Variants in CNDP1 observed in about 807,000 individuals in gnomAD.
CNDP1 encodes carnosine dipeptidase 1.
CNDP1 carries 44 observed loss-of-function variants against 58.1 expected under a neutral mutation model. The ratio of observed to expected loss-of-function variants is 0.76; its 90% CI spans 0.60 to 0.97. The LOEUF (loss-of-function observed/expected upper bound fraction) is 0.97, where lower values mean the gene tolerates loss of function less well. Among genes scored for constraint, CNDP1 ranks in the 50% least tolerant of loss-of-function variants. The probability of loss-of-function intolerance (pLI) is 0.00; values close to 1 mark genes in which losing one functional copy is unlikely to be tolerated. For synonymous variants in CNDP1, 254 were observed against 252.6 expected (o/e 1.01, Z -0.05); for missense variants, 616 against 655.1 (o/e 0.94, Z 0.65).
chr18:74,580,347 G>A, intron 10 of CNDP1, 76 bp downstream of exon 10: 1 of 1,454,258 alleles, frequency 6.9e-7, no homozygotes, highest in South Asian at 1.2e-5. Flanking sequence ...CGTGGGTAAA[G>A]CAGACACTTT....
intron 6 of CNDP1, 53 bp from the exon 7 acceptor site, chr18:74,571,133 A>G: frequency 8.1e-7 from 1 of 1,235,346 alleles, no homozygotes; most frequent in Non-Finnish European, 1.2e-6. Context: ...AAATGCTTAC[A>G]CTAAAGGAAC....
chr18:74,572,808 A>AAAAG lies in CNDP1; in HGVS notation c.841+1558_841+1561dup, dbSNP rs766981720. On this transcript the variant is annotated intron_variant, in intron 7 of 11. Transcript: ENST00000358821. ...CCTGTATCAAAAAAAAAAAAAAAAAAAAAGAAAGAAAGAAAGAAAGAAAAA... is the reference window on the plus strand; with the variant it reads ...CCTGTATCAAAAAAAAAAAAAAAAAAAAAGAAAGAAAGAAAGAAAGAAAGAAAAA... Among the ~76,000 whole-genome samples, 1,216 of 135,228 alleles carry AAAAG rather than the reference A, an allele frequency of 9.0e-3. 9 individuals are homozygous for AAAAG. Among genetic ancestry groups the AAAAG allele is most frequent in the South Asian group, 0.032 (126 of 3,880 alleles). 88.7% of individuals were successfully genotyped at this position (135,228 alleles called of 152,430 possible).
At position 74,562,107 on chromosome 18, in the gene CNDP1, C is replaced by CTG. The variant is rs762541533; in HGVS notation, c.530_531dup (p.Ser178Ter). The CTG allele has an allele frequency of 2.5e-6, 4 of 1,614,100 alleles. No homozygotes were observed. The Admixed American group carries it at 6.7e-5, about 27-fold the overall frequency. Reference sequence around the variant, plus strand: ...GGCCCTGTCTTGGCTTGGATCAATGCTGTGAGCGCCTTCAGAGCCCTGGAG... The same window carrying CTG: ...GGCCCTGTCTTGGCTTGGATCAATGCTGTGTGAGCGCCTTCAGAGCCCTGGAG... On this transcript the variant is annotated frameshift_variant, in exon 5 of 12. Transcript: ENST00000358821. LOFTEE classifies it high-confidence loss of function.
At chr18:74,574,967 A>G (rs1981588471) in intron 7 of CNDP1, among the ~76,000 whole-genome samples, 1 of 149,450 alleles carries the variant, frequency 6.7e-6, no homozygotes, top group African/African-American at 2.5e-5. Context: ...GTCTCAAAAA[A>G]AGGAAAGAAA....
intron 1 of CNDP1, among the ~76,000 whole-genome samples, chr18:74,551,474 A>G (rs1167928368): frequency 2.0e-5 from 3 of 152,100 alleles, no homozygotes; most frequent in African/African-American, 7.2e-5. Flanking sequence ...GGCGGGATTC[A>G]TGTCCAAAGT....
chr18:74,543,211 C>T (rs1045477158), intron 1 of CNDP1, among the ~76,000 whole-genome samples: 6 of 152,140 alleles, frequency 3.9e-5, no homozygotes, highest in African/African-American at 7.2e-5. Flanking sequence ...AGACAGGGGC[C>T]GGGTGTGGTG....
intron 10 of CNDP1, 107 bp downstream of exon 10, chr18:74,580,378 T>C (rs1981759292): frequency 2.7e-6 from 3 of 1,121,896 alleles, no homozygotes; most frequent in Non-Finnish European, 3.9e-6. Context: ...AAATCAACTC[T>C]CCTTTTAATA....
At chr18:74,535,930 A>G (rs571797167) in intron 1 of CNDP1, among the ~76,000 whole-genome samples, 2 of 152,090 alleles carry the variant, frequency 1.3e-5, no homozygotes, top group East Asian at 3.9e-4. Context: ...TACTCAGGAG[A>G]CCAAGGTGGG....
intron 5 of CNDP1, among the ~76,000 whole-genome samples, chr18:74,564,393 C>T (rs1401275061): frequency 1.3e-5 from 2 of 152,098 alleles, no homozygotes; most frequent in Non-Finnish European, 2.9e-5. Context: ...CTAGTCCATG[C>T]CCTAATATTA....
intron 1 of CNDP1, among the ~76,000 whole-genome samples, chr18:74,547,827 A>C (rs1297233780): frequency 2.0e-5 from 3 of 152,232 alleles, no homozygotes; most frequent in African/African-American, 7.2e-5. Flanking sequence ...ACAGCAGAGG[A>C]TGTAAACCTC....
chr18:74,570,895 CA>C (rs1981462865), intron 6 of CNDP1, among the ~76,000 whole-genome samples: 1 of 152,154 alleles, frequency 6.6e-6, no homozygotes, highest in African/African-American at 2.4e-5. Context: ...GTGTAAACAT[CA>C]ATCATTTGGC....
intron 4 of CNDP1, chr18:74,561,293 G>A (rs1425286086): frequency 1.7e-5 from 5 of 287,398 alleles, no homozygotes; most frequent in East Asian, 6.3e-5. Flanking sequence ...GTGGGCGCCT[G>A]TAATCCCAGC....
In CNDP1 at chr18:74,578,194, C is replaced by T; in HGVS notation, c.1034C>T (p.Pro345Leu). ...EEILMHLWRY[P>L]SLSIHGIEGA... ...ATTCTAATGCACCTCTGGAGGTACC[C>T]ATCTCTTTCTATTCATGGGATCGAG... is the stretch of plus-strand genomic sequence containing the variant. The change falls in exon 9 of 12, where the codon CCA becomes CTA. Residue 345 changes from proline to leucine, a missense_variant. By Grantham distance (98) the Pro-to-Leu change is moderately conservative. Transcript: ENST00000358821. 1 of 1,613,596 alleles carries T rather than the reference C, an allele frequency of 6.2e-7. No homozygotes were observed. Among genetic ancestry groups the T allele is most frequent in the Non-Finnish European group, 8.5e-7 (1 of 1,179,804 alleles).
intron 4 of CNDP1, among the ~76,000 whole-genome samples, chr18:74,561,837 T>C (rs1981207194): frequency 6.6e-6 from 1 of 152,198 alleles, no homozygotes; most frequent in African/African-American, 2.4e-5. Flanking sequence ...ATGACTGTAC[T>C]ATTTGTCAGG....
At chr18:74,544,045 C>T (rs1259831251) in intron 1 of CNDP1, among the ~76,000 whole-genome samples, 1 of 152,080 alleles carries the variant, frequency 6.6e-6, no homozygotes, top group Non-Finnish European at 1.5e-5. Context: ...ATGATCACCC[C>T]ACTGCACTCT....
rs1052674141 is a variant in CNDP1 at position 74,545,754 on chromosome 18, C to G, written c.25-10584C>G. On this transcript the variant is annotated intron_variant, in intron 1 of 11. Transcript: ENST00000358821. The surrounding 1 kb of genome is among the most constrained non-coding windows in gnomAD (Gnocchi z 4.1). ...CCCCTGCAGGTATTCTGTAAATATC[C>G]TATCGACACTTTTACACAAAAATCA... 6.6e-6 allele frequency among the ~76,000 whole-genome samples: 1 copy of G among 152,102 alleles called. No individual in the cohort carries two copies. The highest frequency in any genetic ancestry group is 2.4e-5 in the African/African-American group (1 of 41,364).
chr18:74,566,835 A>T (rs766184957), intron 5 of CNDP1, among the ~76,000 whole-genome samples: 1 of 152,052 alleles, frequency 6.6e-6, no homozygotes, highest in Non-Finnish European at 1.5e-5. Flanking sequence ...AACCCACTCT[A>T]CTGGTACCAA....
At chr18:74,562,664 CTT>C (rs1196447911) in intron 5 of CNDP1, among the ~76,000 whole-genome samples, 2 of 152,208 alleles carry the variant, frequency 1.3e-5, no homozygotes, top group African/African-American at 4.8e-5. Flanking sequence ...CAGTGGCTCT[CTT>C]TAGAAGTCCA....
At chr18:74,577,595 G>C (rs1322832903) in intron 8 of CNDP1, 1 of 152,644 alleles carries the variant, frequency 6.6e-6, no homozygotes, top group Non-Finnish European at 1.5e-5. Flanking sequence ...GCTAGGGCTG[G>C]TTCCTGGGGA....
Sources: gnomAD v4.1 joint callset for allele counts (sites outside exome capture counted in the v4.1 genomes callset) on GRCh38, gnomAD v4.1.1 for gene constraint, Gnocchi (gnomAD v3.1) non-coding constraint, MANE v1.5 for transcripts, NCBI Gene and HGNC (gene_info 2026-07-23, HGNC 2026-07-21) for gene names.